HM13: variants seen among roughly 807,000 people sequenced by gnomAD.
HM13 encodes the protein histocompatibility minor 13.
A neutral mutation model predicts 50.0 loss-of-function variants in HM13; 18 were observed. That is an observed-to-expected ratio of 0.36 (90% CI 0.25 to 0.53). HM13 has a LOEUF of 0.53. Ranked by LOEUF, HM13 falls within the 20% of genes least tolerant of loss-of-function variation. The probability of loss-of-function intolerance (pLI) is 0.90; values close to 1 mark genes in which losing one functional copy is unlikely to be tolerated. For missense variants in HM13, 393 were observed against 552.4 expected, an observed-to-expected ratio of 0.71 and a Z score of 2.89; for synonymous variants, 197 against 232.6, an observed-to-expected ratio of 0.85 and a Z score of 1.39.
intron 2 of HM13, among the ~76,000 whole-genome samples, chr20:31,533,448 T>C (rs1982932541): frequency 6.6e-6 from 1 of 152,232 alleles, no homozygotes; most frequent in Non-Finnish European, 1.5e-5. Flanking sequence ...GAGGTTGTGG[T>C]GAGCCGAGAA....
At position 31,527,498 on chromosome 20, in the gene HM13, G is replaced by T. The variant is rs772338141; in HGVS notation, c.198G>T (p.Met66Ile). ...RCARGKNASDMPETITSRDAA... is the reference protein window; with the variant it reads ...RCARGKNASDIPETITSRDAA... ...CTCTCCTCTAGAATGCTTCAGACAT[G>T]CCTGAAACAATCACCAGCCGGGATG... The change falls in exon 2 of 13, where the codon ATG becomes ATT. Residue 66 changes from methionine to isoleucine, a missense_variant. Around this residue, in one of 3 missense-constraint regions of HM13, gnomAD observed 214 missense variants for 276.1 expected, o/e 0.77. Coordinates refer to ENST00000398174, the MANE Select transcript of HM13 (RefSeq NM_178581.3). 8 of 1,613,740 alleles carry T rather than the reference G, an allele frequency of 5.0e-6. No homozygotes were observed. The highest frequency in any genetic ancestry group is 4.5e-5 in the East Asian group (2 of 44,884).
rs973762801 is a variant in HM13, at chr20:31,527,620, A to G, written c.282+38A>G. On this transcript the variant is annotated intron_variant, in intron 2 of 12. Coordinates refer to ENST00000398174, the MANE Select transcript of HM13 (RefSeq NM_178581.3). ...CCACCTGTTGTGTCATTTGATCTAA[A>G]TGACTTTATCTTATTTTGTTTTATT... 8 of 1,355,000 alleles carry G rather than the reference A, an allele frequency of 5.9e-6. No homozygotes were observed. The East Asian group carries it at 1.8e-4, about 31-fold the overall frequency. The allele number at this position is 1,355,000 out of a possible 1,614,324, so 83.9% of individuals were successfully genotyped here.
At chr20:31,555,708 C>T (rs945797379) in intron 8 of HM13, among the ~76,000 whole-genome samples, 5 of 152,024 alleles carry the variant, frequency 3.3e-5, no homozygotes, top group African/African-American at 1.2e-4. Flanking sequence ...GTGGCTCACA[C>T]CTGTAATTCC....
intron 8 of HM13, among the ~76,000 whole-genome samples, chr20:31,555,370 G>A (rs1984253009): frequency 6.6e-6 from 1 of 152,248 alleles, no homozygotes; most frequent in Non-Finnish European, 1.5e-5. Context: ...CTTATCTGCA[G>A]AGGCTGGCCT....
At chr20:31,562,517 A>G (rs1011368165) in intron 10 of HM13, 1 of 152,296 alleles carries the variant, frequency 6.6e-6, no homozygotes, top group African/African-American at 2.4e-5. Context: ...AGCCCTGGCC[A>G]TGGGAAACGC....
chr20:31,564,413 C>G (rs1984778905), intron 10 of HM13, among the ~76,000 whole-genome samples: 1 of 151,966 alleles, frequency 6.6e-6, no homozygotes, highest in Admixed American at 6.6e-5. Flanking sequence ...CCAGTCTCTA[C>G]AAAAAATACA....
chr20:31,553,472 G>A (rs1374285317), intron 7 of HM13, among the ~76,000 whole-genome samples: 3 of 151,724 alleles, frequency 2.0e-5, no homozygotes, highest in Non-Finnish European at 4.4e-5. Context: ...GCAGTTAACT[G>A]TGTACAAATC....
intron 1 of HM13, among the ~76,000 whole-genome samples, chr20:31,515,038 C>G (rs1981688906): frequency 6.6e-6 from 1 of 152,194 alleles, no homozygotes; most frequent in African/African-American, 2.4e-5. Flanking sequence ...GTCAGCCCGT[C>G]CCCCACTGCG....
chr20:31,527,616 C>A, intron 2 of HM13, 34 bp downstream of exon 2: 2 of 1,360,962 alleles, frequency 1.5e-6, no homozygotes, highest in South Asian at 2.4e-5. Context: ...GTCATTTGAT[C>A]TAAATGACTT....
intron 4 of HM13, among the ~76,000 whole-genome samples, chr20:31,545,250 G>GTTT (rs1013694816): frequency 6.6e-6 from 1 of 151,820 alleles, no homozygotes; most frequent in African/African-American, 2.4e-5. Flanking sequence ...TTTTGTTTTT[G>GTTT]TTTTTTTTCC....
In HM13 at chr20:31,568,084, GTCCTCGGCGGAAA is replaced by G. The variant is rs1414292066; in HGVS notation, c.1046_1058del (p.Ser349CysfsTer28). The G allele has an allele frequency of 6.2e-7, 1 of 1,609,072 alleles. No individual in the cohort carries two copies. Among genetic ancestry groups the G allele is most frequent in the East Asian group, 2.2e-5 (1 of 44,688 alleles). On this transcript the variant is annotated frameshift_variant, in exon 12 of 13. Coordinates refer to ENST00000398174, the MANE Select transcript of HM13 (RefSeq NM_178581.3). LOFTEE classifies it high-confidence loss of function. ...TTCTCTCTCTCTCACACAGCTACGA[GTCCTCGGCGGAAA>G]TCCTGCCTCATACCCCGAGGCTCAC...
chr20:31,555,750 C>T (rs1056187758), intron 8 of HM13, among the ~76,000 whole-genome samples: 1 of 151,496 alleles, frequency 6.6e-6, no homozygotes, highest in African/African-American at 2.4e-5. Context: ...GGGAAGATCA[C>T]TTGATGCCAG....
At chr20:31,535,907 G>T (rs1983078390) in intron 2 of HM13, among the ~76,000 whole-genome samples, 1 of 152,182 alleles carries the variant, frequency 6.6e-6, no homozygotes, top group African/African-American at 2.4e-5. Flanking sequence ...GGAAGAACCA[G>T]CTCAGGGTGA....
At position 31,518,037 on chromosome 20, in the gene HM13, A is replaced by AT. The variant is rs560265548; in HGVS notation, c.183+3318dup. Among the ~76,000 whole-genome samples the AT allele has an allele frequency of 3.7e-3, 530 of 141,526 alleles. 2 individuals carry two copies. The highest frequency in any genetic ancestry group is 0.015 in the Middle Eastern group (4 of 270). The allele number at this position is 141,526 out of a possible 152,430, so 92.8% of individuals were successfully genotyped here. Reference sequence around the variant, plus strand: ...ATAGTACATATTTCTCTACAACTTGATTTTTTTTTTTTTTTGAGATGGAGT... The same window carrying AT: ...ATAGTACATATTTCTCTACAACTTGATTTTTTTTTTTTTTTTGAGATGGAGT... On this transcript the variant is annotated intron_variant, in intron 1 of 12. Coordinates refer to ENST00000398174, the MANE Select transcript of HM13 (RefSeq NM_178581.3).
chr20:31,536,955 C>T (rs1003691817), intron 2 of HM13, among the ~76,000 whole-genome samples: 5 of 152,214 alleles, frequency 3.3e-5, no homozygotes, highest in African/African-American at 1.2e-4. Flanking sequence ...AGGAGAGCAG[C>T]GACTTTGCCT....
intron 2 of HM13, among the ~76,000 whole-genome samples, chr20:31,537,356 T>G (rs1983173971): frequency 6.6e-6 from 1 of 152,246 alleles, no homozygotes. Flanking sequence ...AGAGGTTAGC[T>G]GCGGAGAGGC....
At chr20:31,561,262 A>G (rs1395966879) in intron 9 of HM13, among the ~76,000 whole-genome samples, 1 of 152,126 alleles carries the variant, frequency 6.6e-6, no homozygotes, top group Admixed American at 6.6e-5. Flanking sequence ...GAGCTATTAG[A>G]TCAGACTCCC....
intron 2 of HM13, among the ~76,000 whole-genome samples, chr20:31,537,850 T>C (rs1983199638): frequency 6.6e-6 from 1 of 152,184 alleles, no homozygotes; most frequent in Admixed American, 6.5e-5. Context: ...ACAGCTCTCC[T>C]GGGGCTCTAT....
chr20:31,542,926 T>C (rs6059888), intron 3 of HM13, among the ~76,000 whole-genome samples: 46,526 of 151,898 alleles, frequency 0.31, 11,711 homozygotes, highest in African/African-American at 0.7. Flanking sequence ...CCAGGAAGTC[T>C]GGCTCCGGAG....
Sources: gnomAD v4.1 joint callset for allele counts (sites outside exome capture counted in the v4.1 genomes callset) on GRCh38, gnomAD v4.1.1 for gene constraint, gnomAD v4.1.1 regional missense constraint, MANE v1.5 for transcripts, NCBI Gene and HGNC (gene_info 2026-07-23, HGNC 2026-07-21) for gene names.